PIK3C2B: variants seen among roughly 807,000 people sequenced by gnomAD.
PIK3C2B encodes phosphatidylinositol-4-phosphate 3-kinase catalytic subunit type 2 beta.
In PIK3C2B, 83 loss-of-function variants were observed where a neutral mutation model predicts 184.3. The observed-to-expected ratio is 0.45, with a 90% CI of 0.38 to 0.54. PIK3C2B has a LOEUF of 0.54. PIK3C2B is among the 20% of genes least tolerant of loss of function. The pLI, the probability that PIK3C2B is intolerant of heterozygous loss-of-function variation, is 0.00. For missense variants in PIK3C2B, 1,736 were observed against 2,113.5 expected, an observed-to-expected ratio of 0.82 and a Z score of 3.50; for synonymous variants, 779 against 837.6, an observed-to-expected ratio of 0.93 and a Z score of 1.21.
At chr1:204,438,850 C>A in intron 23 of PIK3C2B, 85 bp downstream of exon 23, 1 of 1,462,148 alleles carries the variant, frequency 6.8e-7, no homozygotes, top group South Asian at 1.2e-5. Context: ...CCTCTCTGAG[C>A]AAGTGCAGGT....
intron 19 of PIK3C2B, 117 bp downstream of exon 19, chr1:204,443,300 C>T (rs1653535072): frequency 1.0e-6 from 1 of 959,310 alleles, no homozygotes; most frequent in African/African-American, 1.6e-5. Flanking sequence ...GTCAGCTGCT[C>T]CCCGCTCCAA....
At chr1:204,487,737 T>C (rs1184642393) in intron 1 of PIK3C2B, among the ~76,000 whole-genome samples, 2 of 152,172 alleles carry the variant, frequency 1.3e-5, no homozygotes, top group Admixed American at 6.5e-5. Flanking sequence ...CGCTGGGAAA[T>C]GCTGCCTAAG....
At chr1:204,483,408 T>C (rs1472322617) in intron 1 of PIK3C2B, among the ~76,000 whole-genome samples, 1 of 150,796 alleles carries the variant, frequency 6.6e-6, no homozygotes, top group East Asian at 1.9e-4. Flanking sequence ...AAAAAAACGA[T>C]CTTCAGAAGC....
chr1:204,460,757 G>C, intron 5 of PIK3C2B, 96 bp from the exon 6 acceptor site: 1 of 797,700 alleles, frequency 1.3e-6, no homozygotes, highest in Non-Finnish European at 2.2e-6. Context: ...ACAGAAAGAA[G>C]GTTTAGGTAA....
rs182330982 is a variant in PIK3C2B at position 204,423,786 on chromosome 1, G to A, written c.*1066C>T. 11 of 152,774 alleles carry A rather than the reference G, an allele frequency of 7.2e-5. No individual in the cohort carries two copies. Among genetic ancestry groups the A allele is most frequent in the Non-Finnish European group, 1.5e-5 (1 of 68,062 alleles). The allele number at this position is 152,774 out of a possible 1,614,324, so 9.5% of individuals were successfully genotyped here. ...ACAGCAGAAAGAAGTGGGGAGTGAT[G>A]GATGGGGAATGCTTTCCAGAGGCTA... On this transcript the variant is annotated 3_prime_UTR_variant, in exon 33 of 33. Coordinates refer to ENST00000684373, the MANE Select transcript of PIK3C2B (RefSeq NM_001377334.1).
At chr1:204,440,345 A>G in intron 21 of PIK3C2B, 24 bp from the exon 22 acceptor site, 1 of 1,553,132 alleles carries the variant, frequency 6.4e-7, no homozygotes, top group Non-Finnish European at 8.7e-7. Context: ...GAAAGTGACC[A>G]GATCTAATCT....
chr1:204,428,088 T>C lies in PIK3C2B; in HGVS notation c.4480+51A>G, dbSNP rs182285593. The stretch of plus-strand genomic sequence containing the variant: ...GAGGTTGGGGCAGAAGCAGTTACCC[T>C]TGGGGTAGTTCAGAGGAGTTGGCAG... On this transcript the variant is annotated intron_variant, in intron 30 of 32. Transcript: ENST00000684373. 4.7e-4 allele frequency: 497 copies of C among 1,055,514 alleles called. 1 individual carries two copies. In the African/African-American group the frequency reaches 6.8e-3, roughly 15 times the overall value. The allele number at this position is 1,055,514 out of a possible 1,614,324, so 65.4% of individuals were successfully genotyped here.
At chr1:204,451,721 T>C (rs1654375374) in intron 12 of PIK3C2B, among the ~76,000 whole-genome samples, 1 of 152,234 alleles carries the variant, frequency 6.6e-6, no homozygotes, top group Admixed American at 6.5e-5. Flanking sequence ...CTTTTTGCTA[T>C]GTGATGCTGT....
intron 5 of PIK3C2B, among the ~76,000 whole-genome samples, chr1:204,462,338 G>T (rs570969549): frequency 8.1e-5 from 12 of 148,526 alleles, no homozygotes; most frequent in Non-Finnish European, 1.6e-4. Context: ...ACTTCTCTCC[G>T]TGGGCTGCTC....
intron 1 of PIK3C2B, among the ~76,000 whole-genome samples, chr1:204,475,821 C>G (rs1656663611): frequency 6.6e-6 from 1 of 152,186 alleles, no homozygotes; most frequent in South Asian, 2.1e-4. Flanking sequence ...CCCTCTCTAA[C>G]CACCATCCTC....
At chr1:204,451,637 C>T (rs1261447072) in intron 12 of PIK3C2B, among the ~76,000 whole-genome samples, 1 of 146,738 alleles carries the variant, frequency 6.8e-6, no homozygotes, top group Non-Finnish European at 1.5e-5. Flanking sequence ...TAATTCCCAT[C>T]TCTGTGCCTC....
At chr1:204,434,727 A>G in intron 23 of PIK3C2B, 119 bp from the exon 24 acceptor site, 1 of 694,986 alleles carries the variant, frequency 1.4e-6, no homozygotes, top group Non-Finnish European at 2.4e-6. Context: ...GTGAACCCCA[A>G]TAGTGTCTCA....
chr1:204,473,063 A>G (rs1656421441), intron 1 of PIK3C2B, among the ~76,000 whole-genome samples: 1 of 152,230 alleles, frequency 6.6e-6, no homozygotes, highest in South Asian at 2.1e-4. Context: ...CAGGTAACAA[A>G]CATGAAATTA....
At chr1:204,460,507 A>T (rs1252570032) in intron 6 of PIK3C2B, 43 bp downstream of exon 6, 6 of 1,569,600 alleles carry the variant, frequency 3.8e-6, no homozygotes, top group Non-Finnish European at 4.4e-6. Flanking sequence ...TTCCCATTCC[A>T]CCTCCCCAGC....
At position 204,469,566 on chromosome 1, in the gene PIK3C2B, C is replaced by A; in HGVS notation, c.237G>T (p.Lys79Asn). The change falls in exon 2 of 33, where the codon AAG (lysine) becomes AAT (asparagine). Residue 79 changes from lysine (K) to asparagine (N), a missense_variant. By Grantham distance (94) the Lys-to-Asn change is moderately conservative. Coordinates refer to ENST00000684373, the MANE Select transcript of PIK3C2B (RefSeq NM_001377334.1). ...CAGAGCCAGAGAGACCGCGTAACAG[C>A]TTGAGGTCGGTCCGCCTTCCTGCTG... ...SKPAGRRTDL[K>N]LLRGLSGSDP... 2 of 1,593,272 alleles carry A rather than the reference C, an allele frequency of 1.3e-6. No individual in the cohort carries two copies. The highest frequency in any genetic ancestry group is 1.1e-5 in the South Asian group (1 of 87,158).
chr1:204,478,454 T>G (rs1656882780), intron 1 of PIK3C2B, among the ~76,000 whole-genome samples: 1 of 152,200 alleles, frequency 6.6e-6, no homozygotes, highest in Non-Finnish European at 1.5e-5. Flanking sequence ...CCAACAGATG[T>G]GCATCTGATC....
chr1:204,466,334 T>A (rs1655787561), intron 2 of PIK3C2B, among the ~76,000 whole-genome samples: 2 of 152,178 alleles, frequency 1.3e-5, no homozygotes, highest in South Asian at 4.1e-4. Context: ...ACGCCTCACA[T>A]CTCTCACCCA....
intron 31 of PIK3C2B, 125 bp downstream of exon 31, chr1:204,427,523 C>T (rs1386633382): frequency 2.2e-5 from 15 of 678,518 alleles, no homozygotes; most frequent in Non-Finnish European, 4.0e-5. Context: ...GGTTATAGGT[C>T]CATGGTGGAT....
chr1:204,445,410 A>G (rs1292547161), intron 16 of PIK3C2B, among the ~76,000 whole-genome samples: 1 of 152,118 alleles, frequency 6.6e-6, no homozygotes, highest in Non-Finnish European at 1.5e-5. Context: ...CCTGGGCAAC[A>G]TAGTGAGACT....
Sources: allele counts gnomAD v4.1 joint callset (sites outside exome capture counted in the v4.1 genomes callset), GRCh38; gene constraint gnomAD v4.1.1; transcripts MANE v1.5; gene names NCBI Gene and HGNC (gene_info 2026-07-23, HGNC 2026-07-21).